RDX: variants seen among roughly 807,000 people sequenced by gnomAD.
RDX encodes the protein radixin.
In RDX, 32 loss-of-function variants were observed where a neutral mutation model predicts 83.7. The ratio of observed to expected loss-of-function variants is 0.38; its 90% CI spans 0.29 to 0.51. The LOEUF (loss-of-function observed/expected upper bound fraction) is 0.51, where lower values mean the gene tolerates loss of function less well. Ranked by LOEUF, RDX falls within the 20% of genes least tolerant of loss-of-function variation. RDX has a pLI of 0.87. For synonymous variants in RDX, 229 were observed against 222.7 expected, an observed-to-expected ratio of 1.03 and a Z score of -0.25; for missense variants, 600 against 689.9, an observed-to-expected ratio of 0.87 and a Z score of 1.46.
rs746156327 is a variant in RDX at position 110,254,068 on chromosome 11, C to A, written c.837G>T (p.Arg279=). ...FYAPRLRINK[R]ILALCMGNHE... The stretch of plus-strand genomic sequence containing the variant: ...GGTTTCCCATACATAAGGCCAAAAT[C>A]CGCTTATTGATTCTCAGACGAGGTG... The change falls in exon 9 of 14, where the codon CGG becomes CGT. Residue 279 remains arginine, a synonymous_variant. Coordinates refer to ENST00000645495, the MANE Select transcript of RDX (RefSeq NM_002906.4). 2 of 1,613,708 alleles carry A rather than the reference C, an allele frequency of 1.2e-6. No individual in the cohort carries two copies. Among genetic ancestry groups the A allele is most frequent in the Non-Finnish European group, 1.7e-6 (2 of 1,179,816 alleles).
At chr11:110,186,268 C>G (rs928842596) in intron 15 of RDX, among the ~76,000 whole-genome samples, 1 of 152,022 alleles carries the variant, frequency 6.6e-6, no homozygotes, top group Admixed American at 6.5e-5. Context: ...TCTTTCTGCC[C>G]TGTGCAGAAG....
In RDX at chr11:110,241,496, A is replaced by G. The variant is rs947910637; in HGVS notation, c.1091-3844T>C. Among the ~76,000 whole-genome samples the G allele has an allele frequency of 2.2e-4, 33 of 152,152 alleles. 1 individual carries two copies. The highest frequency in any genetic ancestry group is 1.9e-4 in the East Asian group (1 of 5,162). ...ATTTTTAGTAGAGATGGGGTTTCAC[A>G]AGGTTTGCCAGGCTGGTCTCGAACT... On this transcript the variant is annotated intron_variant, in intron 10 of 13. Transcript: ENST00000645495.
intron 15 of RDX, chr11:110,185,309 C>G (rs1325518425): frequency 2.6e-5 from 4 of 152,200 alleles, no homozygotes; most frequent in Non-Finnish European, 5.9e-5. Context: ...TCATGCTGAC[C>G]GAGGACTGTT....
chr11:110,184,361 G>C (rs1034941583), intron 15 of RDX, among the ~76,000 whole-genome samples: 2 of 152,242 alleles, frequency 1.3e-5, no homozygotes, highest in Non-Finnish European at 2.9e-5. Context: ...TCCAGCCTCT[G>C]TCTCCCTGAC....
intron 15 of RDX, among the ~76,000 whole-genome samples, chr11:110,189,680 A>C (rs1453488198): frequency 6.6e-6 from 1 of 152,228 alleles, no homozygotes; most frequent in African/African-American, 2.4e-5. Flanking sequence ...GTGGAAGAAA[A>C]ACAGAAATCA....
At chr11:110,198,125 A>T (rs534930314) in intron 15 of RDX, among the ~76,000 whole-genome samples, 1 of 152,328 alleles carries the variant, frequency 6.6e-6, no homozygotes, top group East Asian at 1.9e-4. Context: ...TTGGTTCTAC[A>T]TCTTTAAATA....
At chr11:110,274,075 A>G (rs1279034213) in intron 2 of RDX, among the ~76,000 whole-genome samples, 1 of 152,198 alleles carries the variant, frequency 6.6e-6, no homozygotes, top group Non-Finnish European at 1.5e-5. Flanking sequence ...TTTCACCTGG[A>G]ATAACTTCTG....
At chr11:110,275,561 G>A (rs868576802) in intron 2 of RDX, among the ~76,000 whole-genome samples, 8 of 152,028 alleles carry the variant, frequency 5.3e-5, no homozygotes, top group African/African-American at 1.2e-4. Flanking sequence ...TCACGCATAC[G>A]GCTTATTTTT....
chr11:110,189,252 A>T (rs1036192507), intron 15 of RDX, among the ~76,000 whole-genome samples: 7 of 144,426 alleles, frequency 4.8e-5, no homozygotes, highest in African/African-American at 1.9e-4. Context: ...GTAAAAAAAA[A>T]AAAAAAAAAA....
chr11:110,221,059 C>T (rs1403652636), intron 14 of RDX, among the ~76,000 whole-genome samples: 1 of 152,086 alleles, frequency 6.6e-6, no homozygotes, highest in African/African-American at 2.4e-5. Context: ...TCAGTGGCAG[C>T]GACTGGCTAA....
intron 14 of RDX, among the ~76,000 whole-genome samples, chr11:110,211,393 T>A (rs1471978038): frequency 6.6e-6 from 1 of 151,040 alleles, no homozygotes; most frequent in African/African-American, 2.4e-5. Context: ...TGGGAGACTT[T>A]AACACCCCAC....
intron 9 of RDX, 109 bp downstream of exon 9, chr11:110,253,837 G>T: frequency 1.1e-6 from 1 of 898,192 alleles, no homozygotes; most frequent in South Asian, 1.5e-5. Context: ...TTAATATAAT[G>T]AAAATATTAA....
At chr11:110,218,368 T>C (rs941574538) in intron 14 of RDX, among the ~76,000 whole-genome samples, 1 of 152,224 alleles carries the variant, frequency 6.6e-6, no homozygotes, top group Non-Finnish European at 1.5e-5. Context: ...TAGATTTTTT[T>C]CCCCATGTGG....
At chr11:110,209,882 T>G (rs984661007) in intron 14 of RDX, among the ~76,000 whole-genome samples, 3 of 148,076 alleles carry the variant, frequency 2.0e-5, no homozygotes. Context: ...ACCGCAAAGA[T>G]GGGGAAAAAA....
At chr11:110,244,387 A>AAAG (rs1865223462) in intron 10 of RDX, among the ~76,000 whole-genome samples, 5 of 149,322 alleles carry the variant, frequency 3.3e-5, no homozygotes, top group Non-Finnish European at 5.9e-5. Context: ...AAAAAAAAAA[A>AAAG]AGAGAGTGGA....
chr11:110,265,520 A>T (rs201096810), intron 3 of RDX, among the ~76,000 whole-genome samples: 1 of 142,072 alleles, frequency 7.0e-6, no homozygotes, highest in South Asian at 2.3e-4. Context: ...ATATATATAT[A>T]GTTTTCATAA....
At chr11:110,262,964 A>G (rs1446152299) in intron 5 of RDX, among the ~76,000 whole-genome samples, 1 of 152,194 alleles carries the variant, frequency 6.6e-6, no homozygotes, top group Non-Finnish European at 1.5e-5. Flanking sequence ...ACCTAGTTTA[A>G]AAAGCCTTTT....
downstream of RDX, among the ~76,000 whole-genome samples, chr11:110,225,137 T>C (rs142891675): frequency 6.8e-4 from 104 of 152,290 alleles, no homozygotes; most frequent in African/African-American, 2.4e-3. Flanking sequence ...ATACGTATTC[T>C]CTCTTCTGCC....
intron 5 of RDX, among the ~76,000 whole-genome samples, chr11:110,258,741 G>C (rs914650615): frequency 1.3e-5 from 2 of 151,598 alleles, no homozygotes; most frequent in African/African-American, 4.8e-5. Flanking sequence ...TAATTTTGTT[G>C]TTTTAGGTAG....
Sources: allele counts gnomAD v4.1 joint callset (sites outside exome capture counted in the v4.1 genomes callset), GRCh38; gene constraint gnomAD v4.1.1; transcripts MANE v1.5; gene names NCBI Gene and HGNC (gene_info 2026-07-23, HGNC 2026-07-21).